The following KLHL23 variants were observed in gnomAD, a reference collection of about 807,000 sequenced individuals.
KLHL23 encodes the protein kelch like family member 23, also known as kelch-like protein 23.
KLHL23 carries 33 observed loss-of-function variants against 48.9 expected under a neutral mutation model. That is an observed-to-expected ratio of 0.67 (90% confidence interval 0.51 to 0.90). The LOEUF (loss-of-function observed/expected upper bound fraction) is 0.90, where lower values mean the gene tolerates loss of function less well. Ranked by LOEUF, KLHL23 falls within the 40% of genes least tolerant of loss-of-function variation. The pLI is 0.00. For missense variants in KLHL23, 608 were observed against 669.6 expected, an observed-to-expected ratio of 0.91 and a Z score of 1.02; for synonymous variants, 234 against 231.6, an observed-to-expected ratio of 1.01 and a Z score of -0.09.
chr2:169,744,943 GT>G (rs34081026), intron 3 of KLHL23, among the ~76,000 whole-genome samples: 5,244 of 142,434 alleles, frequency 0.037, 89 homozygotes, highest in East Asian at 0.091. Context: ...TTTGTTTTTT[GT>G]TTTTTTTTTT....
intron 3 of KLHL23, among the ~76,000 whole-genome samples, chr2:169,748,123 C>T (rs968220058): frequency 6.6e-6 from 1 of 152,058 alleles, no homozygotes; most frequent in African/African-American, 2.4e-5. Flanking sequence ...GACCCTGTCT[C>T]TAGGAAAGAA....
At chr2:169,745,591 C>T (rs377623679) in intron 3 of KLHL23, among the ~76,000 whole-genome samples, 27 of 145,064 alleles carry the variant, frequency 1.9e-4, no homozygotes, top group African/African-American at 6.5e-4. Context: ...AGGGGATCTA[C>T]TAACACTATT....
chr2:169,740,582 A>G (rs564561669), intron 2 of KLHL23, among the ~76,000 whole-genome samples: 12 of 149,992 alleles, frequency 8.0e-5, no homozygotes, highest in East Asian at 7.9e-4. Flanking sequence ...CCGAGTAGCT[A>G]GGACTACAGG....
intron 3 of KLHL23, among the ~76,000 whole-genome samples, chr2:169,745,339 C>A (rs1688770138): frequency 2.6e-5 from 4 of 151,500 alleles, no homozygotes; most frequent in Non-Finnish European, 5.9e-5. Flanking sequence ...GGTGAAACCC[C>A]ATCTCTACTA....
intron 3 of KLHL23, among the ~76,000 whole-genome samples, chr2:169,748,191 A>T (rs1464932223): frequency 6.6e-6 from 1 of 152,188 alleles, no homozygotes; most frequent in African/African-American, 2.4e-5. Context: ...AAATAGGATG[A>T]TGTGGTAGAG....
At chr2:169,734,954 G>T in intron 1 of KLHL23, 59 bp from the exon 2 acceptor site, 1 of 1,499,294 alleles carries the variant, frequency 6.7e-7, no homozygotes, top group South Asian at 1.4e-5. Context: ...ATTTAGCGTT[G>T]ATTATTTGAG....
At chr2:169,736,706 G>A (rs533745040) in intron 2 of KLHL23, among the ~76,000 whole-genome samples, 3 of 152,042 alleles carry the variant, frequency 2.0e-5, no homozygotes, top group Non-Finnish European at 4.4e-5. Flanking sequence ...CACAGAACCC[G>A]GCACACCCCT....
At chr2:169,736,333 A>G (rs1042579600) in intron 2 of KLHL23, 106 bp downstream of exon 2, 35 of 1,414,778 alleles carry the variant, frequency 2.5e-5, no homozygotes, top group Non-Finnish European at 3.0e-5. Flanking sequence ...TAGGAACTAT[A>G]GTTAATTATA....
intron 3 of KLHL23, among the ~76,000 whole-genome samples, chr2:169,743,257 C>T (rs1302100450): frequency 1.3e-5 from 2 of 152,056 alleles, no homozygotes; most frequent in African/African-American, 2.4e-5. Flanking sequence ...AAGAGTTTCC[C>T]TCAAAAATAA....
intron 1 of KLHL23, 61 bp from the exon 2 acceptor site, chr2:169,734,952 T>C (rs1688474982): frequency 6.7e-7 from 1 of 1,497,906 alleles, no homozygotes; most frequent in African/African-American, 1.4e-5. Context: ...TTATTTAGCG[T>C]TGATTATTTG....
Position 169,735,824 on chromosome 2 carries a change from G to C in KLHL23, c.810G>C (p.Arg270Ser). 5 of 1,614,022 alleles carry C rather than the reference G, an allele frequency of 3.1e-6. No individual in the cohort carries two copies. The highest frequency in any genetic ancestry group is 4.2e-6 in the Non-Finnish European group (5 of 1,180,034). The change falls in exon 2 of 4, where the codon AGG becomes AGC. Residue 270 changes from arginine to serine, a missense_variant. This residue lies in a region of KLHL23 where 419 missense variants were observed against 473.1 expected (regional missense o/e 0.89). Coordinates refer to ENST00000392647, the MANE Select transcript of KLHL23 (RefSeq NM_144711.6). This position sits in a 1 kb window ranked among gnomAD's most constrained non-coding sequence, Gnocchi z 4.5. ...CCATGCATAAAGAGATTTCCCAGAG[G>C]TCCACAGCCACAATGTATATAATTG... ...LNPMHKEISQ[R>S]STATMYIIGG... is the part of the protein sequence containing the mutation.
Position 169,735,149 on chromosome 2 carries a change from C to T in KLHL23, c.135C>T (p.Gly45=). ...FTDITLQCPS[G]IIFHCHRAVL... ...ATATTACTCTTCAGTGTCCTTCAGG[C>T]ATAATTTTCCATTGTCACCGAGCCG... is the stretch of plus-strand genomic sequence containing the variant. Residue 45 remains glycine, a synonymous_variant, in exon 2 of 4, where the codon GGC becomes GGT. Coordinates refer to ENST00000392647, the MANE Select transcript of KLHL23 (RefSeq NM_144711.6). This position sits in a 1 kb window ranked among gnomAD's most constrained non-coding sequence, Gnocchi z 4.5. The T allele has an allele frequency of 6.2e-7, 1 of 1,613,474 alleles. No homozygotes were observed. Among genetic ancestry groups the T allele is most frequent in the Non-Finnish European group, 8.5e-7 (1 of 1,179,894 alleles).
rs903719013 is a variant in KLHL23, at chr2:169,735,638, T to C, written c.624T>C (p.Thr208=). 4 of 1,613,992 alleles carry C rather than the reference T, an allele frequency of 2.5e-6. No individual in the cohort carries two copies. The highest frequency in any genetic ancestry group is 3.4e-6 in the Non-Finnish European group (4 of 1,180,060). Residue 208 remains threonine (T), a synonymous_variant, in exon 2 of 4, where the codon ACT becomes ACC. Coordinates refer to ENST00000392647, the MANE Select transcript of KLHL23 (RefSeq NM_144711.6). The surrounding 1 kb of genome is among the most constrained non-coding windows in gnomAD (Gnocchi z 4.5). Reference sequence around the variant, plus strand: ...TCATAGAGCCAGTTATTAAGTGGACTGCTCATGATGTAGAAAATCGAATTG... The same window carrying C: ...TCATAGAGCCAGTTATTAAGTGGACCGCTCATGATGTAGAAAATCGAATTG... ...EAIIEPVIKW[T]AHDVENRIEC... is the part of the protein sequence containing the mutation.
intron 2 of KLHL23, chr2:169,741,111 A>T (rs1156465826): frequency 3.5e-6 from 1 of 282,572 alleles, no homozygotes; most frequent in African/African-American, 2.1e-5. Flanking sequence ...AACAGCTACC[A>T]CAGTATCACT....
intron 2 of KLHL23, among the ~76,000 whole-genome samples, chr2:169,737,018 C>T (rs775582514): frequency 1.3e-5 from 2 of 152,270 alleles, no homozygotes; most frequent in South Asian, 2.1e-4. Flanking sequence ...AGGCAGGAAG[C>T]TGAGAGGCAG....
At chr2:169,745,340 A>G (rs1001545828) in intron 3 of KLHL23, among the ~76,000 whole-genome samples, 21 of 151,714 alleles carry the variant, frequency 1.4e-4, no homozygotes, top group South Asian at 8.3e-4. Context: ...GTGAAACCCC[A>G]TCTCTACTAA....
intron 3 of KLHL23, among the ~76,000 whole-genome samples, chr2:169,745,590 A>G (rs1386215693): frequency 6.6e-6 from 1 of 151,700 alleles, no homozygotes; most frequent in African/African-American, 2.4e-5. Flanking sequence ...AAGGGGATCT[A>G]CTAACACTAT....
At position 169,735,772 on chromosome 2, in the gene KLHL23, G is replaced by T; in HGVS notation, c.758G>T (p.Arg253Leu). Reference sequence around the variant, plus strand: ...TGCCTGCTCACCGAAAATAAGATCCGCTCCCTAATATACAATGCCTTGAAT... The same window carrying T: ...TGCCTGCTCACCGAAAATAAGATCCTCTCCCTAATATACAATGCCTTGAAT... ...RSCLLTENKI[R>L]SLIYNALNPM... The change falls in exon 2 of 4, where the codon CGC (arginine) becomes CTC (leucine). Residue 253 changes from arginine (R) to leucine (L), a missense_variant. By Grantham distance (102) the Arg-to-Leu change is moderately radical. Coordinates refer to ENST00000392647, the MANE Select transcript of KLHL23 (RefSeq NM_144711.6). This position sits in a 1 kb window ranked among gnomAD's most constrained non-coding sequence, Gnocchi z 4.5. The T allele has an allele frequency of 6.2e-7, 1 of 1,613,978 alleles. No homozygotes were observed. The highest frequency in any genetic ancestry group is 1.1e-5 in the South Asian group (1 of 91,066).
intron 3 of KLHL23, among the ~76,000 whole-genome samples, chr2:169,748,793 A>G (rs1688870402): frequency 8.6e-6 from 1 of 115,776 alleles, no homozygotes; most frequent in African/African-American, 2.9e-5. Flanking sequence ...CCCCATATAC[A>G]TACTTCCAGC....
Sources: allele counts gnomAD v4.1 joint callset (sites outside exome capture counted in the v4.1 genomes callset), GRCh38; gene constraint gnomAD v4.1.1; regional missense constraint gnomAD v4.1.1; non-coding constraint Gnocchi (gnomAD v3.1); transcripts MANE v1.5; gene names NCBI Gene and HGNC (gene_info 2026-07-23, HGNC 2026-07-21).